GTPBP2: variants seen among roughly 807,000 people sequenced by gnomAD.
GTPBP2 encodes the protein GTP-binding protein 2.
GTPBP2 carries 32 observed loss-of-function variants against 63.0 expected under a neutral mutation model. That is an observed-to-expected ratio of 0.51 (90% CI 0.38 to 0.68). The LOEUF is 0.68. Ranked by LOEUF, GTPBP2 falls within the 30% of genes least tolerant of loss-of-function variation. GTPBP2 has a pLI of 0.00. For synonymous variants in GTPBP2, 310 were observed against 322.6 expected, an observed-to-expected ratio of 0.96 and a Z score of 0.42; for missense variants, 492 against 796.9, an observed-to-expected ratio of 0.62 and a Z score of 4.61.
At chr6:43,627,415 G>T in intron 1 of GTPBP2, 3 of 851,176 alleles carry the variant, frequency 3.5e-6, no homozygotes, top group Non-Finnish European at 4.2e-6. Flanking sequence ...GCTGCAAGAG[G>T]TTCTGGATCA....
intron 9 of GTPBP2, 183 bp downstream of exon 9, chr6:43,623,554 C>T: frequency 3.3e-6 from 2 of 613,802 alleles, no homozygotes; most frequent in East Asian, 2.7e-5. Context: ...AATACTGTTT[C>T]TTCCCTCCAA....
chr6:43,628,626 C>T, intron 1 of GTPBP2: 1 of 772,936 alleles, frequency 1.3e-6, no homozygotes, highest in Non-Finnish European at 1.6e-6. Flanking sequence ...TGGTTACTGT[C>T]TGCCTCTCGT....
At position 43,621,374 on chromosome 6, in the gene GTPBP2, C is replaced by G. The variant is rs907751187; in HGVS notation, c.*240G>C. The G allele has an allele frequency of 6.7e-6, 10 of 1,496,456 alleles. No homozygotes were observed. In the African/African-American group the frequency reaches 1.1e-4, roughly 17 times the overall value. 92.7% of individuals were successfully genotyped at this position (1,496,456 alleles called of 1,614,324 possible). ...AGGGTTGCCAGGTTTGATGAGCCAACCAGGTGAGCACACAGCTTCGGAGCA... is the reference window on the plus strand; with the variant it reads ...AGGGTTGCCAGGTTTGATGAGCCAAGCAGGTGAGCACACAGCTTCGGAGCA... On this transcript the variant is annotated 3_prime_UTR_variant, in exon 12 of 12. Coordinates refer to ENST00000307126, the MANE Select transcript of GTPBP2 (RefSeq NM_019096.5).
At chr6:43,628,746 G>T in intron 1 of GTPBP2, 1 of 770,214 alleles carries the variant, frequency 1.3e-6, no homozygotes, top group Non-Finnish European at 2.4e-6. Flanking sequence ...GATCAGAAGG[G>T]GGAGTCCTCC....
chr6:43,630,844 G>A (rs1333317529), upstream of GTPBP2, among the ~76,000 whole-genome samples: 3 of 145,710 alleles, frequency 2.1e-5, no homozygotes, highest in Non-Finnish European at 4.4e-5. Context: ...GGGAGGTAGA[G>A]GTTATAGTGA....
At position 43,621,525 on chromosome 6, in the gene GTPBP2, A is replaced by G. The variant is rs1768719023; in HGVS notation, c.*89T>C. Reference sequence around the variant, plus strand: ...ACCCCTCTCTCCCTAGCCTATTAACACACAGAGCCGCCAATGGCAGGGCAG... The same window carrying G: ...ACCCCTCTCTCCCTAGCCTATTAACGCACAGAGCCGCCAATGGCAGGGCAG... On this transcript the variant is annotated 3_prime_UTR_variant, in exon 12 of 12. Coordinates refer to ENST00000307126, the MANE Select transcript of GTPBP2 (RefSeq NM_019096.5). 1 of 1,600,124 alleles carries G rather than the reference A, an allele frequency of 6.2e-7. No homozygotes were observed. Among genetic ancestry groups the G allele is most frequent in the Non-Finnish European group, 8.5e-7 (1 of 1,173,414 alleles).
chr6:43,629,673 G>T (rs747752102), upstream of GTPBP2: 2 of 1,473,960 alleles, frequency 1.4e-6, no homozygotes, highest in South Asian at 1.2e-5. Context: ...ACAGGTTTTG[G>T]ACCTCGAGAG....
Position 43,626,764 on chromosome 6 carries a change from G to C in GTPBP2, c.213+158C>G, listed in dbSNP as rs1302601048. 6.6e-6 allele frequency among the ~76,000 whole-genome samples: 1 copy of C among 151,986 alleles called. No individual in the cohort carries two copies. Among genetic ancestry groups the C allele is most frequent in the African/African-American group, 2.4e-5 (1 of 41,364 alleles). On this transcript the variant is annotated intron_variant, in intron 2 of 11. Coordinates refer to ENST00000307126, the MANE Select transcript of GTPBP2 (RefSeq NM_019096.5). The surrounding 1 kb of genome is among the most constrained non-coding windows in gnomAD (Gnocchi z 4.0). Reference sequence around the variant, plus strand: ...TAATCCCAGCTACTTGGGAGGCTGAGGCAGGAGAATCTGAGATTGCGCCAC... The same window carrying C: ...TAATCCCAGCTACTTGGGAGGCTGACGCAGGAGAATCTGAGATTGCGCCAC...
chr6:43,627,295 T>G, intron 1 of GTPBP2: 1 of 1,089,460 alleles, frequency 9.2e-7, no homozygotes, highest in Non-Finnish European at 1.1e-6. Flanking sequence ...TTCCCAGAAG[T>G]CTATGTCTCC....
chr6:43,624,361 G>C lies in GTPBP2; in HGVS notation c.1100+149C>G. 1.5e-6 allele frequency: 1 copy of C among 668,406 alleles called. No individual in the cohort carries two copies. The highest frequency in any genetic ancestry group is 2.7e-5 in the East Asian group (1 of 36,744). The allele number at this position is 668,406 out of a possible 1,614,324, so 41.4% of individuals were successfully genotyped here. On this transcript the variant is annotated intron_variant, in intron 7 of 11. Transcript: ENST00000307126. The surrounding 1 kb of genome is among the most constrained non-coding windows in gnomAD (Gnocchi z 5.1). ...GGAGGAGGGTCAAGCCCTTTAGCAA[G>C]ATGCCCCTCCACAATCCCAAGCTGA...
In GTPBP2 at chr6:43,625,597, C is replaced by T; in HGVS notation, c.508-37G>A. Reference sequence around the variant, plus strand: ...TTGCCAGAGATAAGAACTCCAATCTCTCACCCCTCTAACTGAAGACTGGGT... The same window carrying T: ...TTGCCAGAGATAAGAACTCCAATCTTTCACCCCTCTAACTGAAGACTGGGT... On this transcript the variant is annotated intron_variant, in intron 4 of 11. Transcript: ENST00000307126. The surrounding 1 kb of genome is among the most constrained non-coding windows in gnomAD (Gnocchi z 5.1). 2 of 1,544,008 alleles carry T rather than the reference C, an allele frequency of 1.3e-6. No homozygotes were observed. The highest frequency in any genetic ancestry group is 1.8e-6 in the Non-Finnish European group (2 of 1,116,444).
In GTPBP2 at chr6:43,629,208, G is replaced by A. The variant is rs1322106252; in HGVS notation, c.-46C>T. On this transcript the variant is annotated 5_prime_UTR_variant, in exon 1 of 12. Transcript: ENST00000307126. ...CCGCCCGGCCCCTCCCCCGACCGCCGCCGCCGTCGCCGCCGCCCTTACTGC... is the reference window on the plus strand; with the variant it reads ...CCGCCCGGCCCCTCCCCCGACCGCCACCGCCGTCGCCGCCGCCCTTACTGC... 1 of 1,028,214 alleles carries A rather than the reference G, an allele frequency of 9.7e-7. No homozygotes were observed. Among genetic ancestry groups the A allele is most frequent in the South Asian group, 2.5e-5 (1 of 39,746 alleles). 63.7% of individuals were successfully genotyped at this position (1,028,214 alleles called of 1,614,324 possible). A position where few individuals can be genotyped will look rare whatever the true frequency, so the allele number is the denominator to read the frequency against.
chr6:43,623,471 A>G (rs1768991471), intron 9 of GTPBP2: 1 of 525,372 alleles, frequency 1.9e-6, no homozygotes, highest in Non-Finnish European at 3.4e-6. Flanking sequence ...AGTTGAATAC[A>G]CTCTAGTTTT....
At chr6:43,629,590 G>C, upstream of GTPBP2, 1 of 752,802 alleles carries the variant, frequency 1.3e-6, no homozygotes, top group Non-Finnish European at 2.3e-6. Context: ...GGACACCAGC[G>C]TAGAAGAGCT....
intron 1 of GTPBP2, chr6:43,627,489 AGAG>A (rs746039944): frequency 2.9e-5 from 6 of 207,744 alleles, no homozygotes; most frequent in Non-Finnish European, 4.2e-5. Context: ...TCTAGGTGAG[AGAG>A]GAGAAGAGCT....
At chr6:43,621,946 G>C in intron 11 of GTPBP2, 57 bp downstream of exon 11, 2 of 1,603,586 alleles carry the variant, frequency 1.2e-6, no homozygotes, top group Non-Finnish European at 1.7e-6. Flanking sequence ...TGCCAGTCTG[G>C]GGCAGGCCTC....
upstream of GTPBP2, chr6:43,629,601 T>G (rs1769767569): frequency 1.3e-6 from 1 of 792,100 alleles, no homozygotes; most frequent in African/African-American, 1.7e-5. Flanking sequence ...TAGAAGAGCT[T>G]ACATCAGAAT....
rs1361483747 is a variant in GTPBP2, at chr6:43,624,304, C to T, written c.1100+206G>A. Among the ~76,000 whole-genome samples, 1 of 152,190 alleles carries T rather than the reference C, an allele frequency of 6.6e-6. No individual in the cohort carries two copies. The highest frequency in any genetic ancestry group is 1.5e-5 in the Non-Finnish European group (1 of 68,036). On this transcript the variant is annotated intron_variant, in intron 7 of 11. Transcript: ENST00000307126. This position sits in a 1 kb window ranked among gnomAD's most constrained non-coding sequence, Gnocchi z 5.1. ...TGGTATAGCACTTCATCGCCATGGTCCCAGGCATCAGCAGTGCTCCAGGTT... is the reference window on the plus strand; with the variant it reads ...TGGTATAGCACTTCATCGCCATGGTTCCAGGCATCAGCAGTGCTCCAGGTT...
rs1769245102 is a variant in GTPBP2, at chr6:43,625,641, C to G, written c.508-81G>C. On this transcript the variant is annotated intron_variant, in intron 4 of 11. Coordinates refer to ENST00000307126, the MANE Select transcript of GTPBP2 (RefSeq NM_019096.5). The surrounding 1 kb of genome is among the most constrained non-coding windows in gnomAD (Gnocchi z 5.1). ...ACTGGGTCAAGGGCAGTGACGCTCC[C>G]TAGGGAGCAAGTGATGAACTGGAAG... 7.0e-7 allele frequency: 1 copy of G among 1,426,558 alleles called. No individual in the cohort carries two copies. The highest frequency in any genetic ancestry group is 1.4e-5 in the African/African-American group (1 of 71,318). The allele number at this position is 1,426,558 out of a possible 1,614,324, so 88.4% of individuals were successfully genotyped here. A position where few individuals can be genotyped will look rare whatever the true frequency, so the allele number is the denominator to read the frequency against.
Sources: allele counts gnomAD v4.1 joint callset (sites outside exome capture counted in the v4.1 genomes callset), GRCh38; gene constraint gnomAD v4.1.1; non-coding constraint Gnocchi (gnomAD v3.1); transcripts MANE v1.5; gene names NCBI Gene and HGNC (gene_info 2026-07-23, HGNC 2026-07-21).